PTPRD: variants seen among roughly 807,000 people sequenced by gnomAD.
PTPRD encodes the protein protein tyrosine phosphatase receptor type D.
In PTPRD, 34 loss-of-function variants were observed where a neutral mutation model predicts 214.5. The observed-to-expected ratio is 0.16, with a 90% CI of 0.12 to 0.21. The LOEUF is 0.21. Ranked by LOEUF, PTPRD falls within the 10% of genes least tolerant of loss-of-function variation. The pLI is 1.00. For missense variants in PTPRD, 2,545 were observed against 2,398.7 expected, an observed-to-expected ratio of 1.06 and a Z score of -1.27; for synonymous variants, 1,128 against 845.7, an observed-to-expected ratio of 1.33 and a Z score of -5.79.
chr9:8,966,913 AAAACAAAC>A (rs75275198), intron 11 of PTPRD, among the ~76,000 whole-genome samples: 7 of 151,454 alleles, frequency 4.6e-5, no homozygotes, highest in African/African-American at 1.2e-4. Flanking sequence ...TGAACAAGCA[AAAACAAAC>A]AAACAAACAA....
At chr9:8,836,138 C>T (rs1449290994) in intron 11 of PTPRD, among the ~76,000 whole-genome samples, 2 of 152,068 alleles carry the variant, frequency 1.3e-5, no homozygotes, top group South Asian at 4.1e-4. Context: ...GCTGTATGCT[C>T]TATTATACAA....
intron 12 of PTPRD, among the ~76,000 whole-genome samples, chr9:8,679,347 CT>C (rs2097503906): frequency 6.6e-6 from 1 of 152,154 alleles, no homozygotes; most frequent in African/African-American, 2.4e-5. Flanking sequence ...TCTAAAACTG[CT>C]TCAAAATTCC....
At chr9:8,832,915 C>T (rs2097328561) in intron 11 of PTPRD, among the ~76,000 whole-genome samples, 1 of 152,066 alleles carries the variant, frequency 6.6e-6, no homozygotes, top group South Asian at 2.1e-4. Context: ...CAACCTTTCA[C>T]TTCATGTTAG....
At chr9:10,284,743 T>C (rs1423732471) in intron 3 of PTPRD, among the ~76,000 whole-genome samples, 2 of 152,038 alleles carry the variant, frequency 1.3e-5, no homozygotes, top group African/African-American at 4.8e-5. Flanking sequence ...CTTGCAGTTG[T>C]ACAACTCATG....
intron 6 of PTPRD, among the ~76,000 whole-genome samples, chr9:9,755,833 A>T (rs1469683938): frequency 6.6e-6 from 1 of 152,056 alleles, no homozygotes; most frequent in African/African-American, 2.4e-5. Flanking sequence ...ATAAAATTAT[A>T]CCTGTAATTA....
chr9:8,872,791 C>G (rs1454301017), intron 11 of PTPRD, among the ~76,000 whole-genome samples: 1 of 152,150 alleles, frequency 6.6e-6, no homozygotes, highest in African/African-American at 2.4e-5. Flanking sequence ...GTACAGGAGG[C>G]GGCATTTGCC....
At chr9:9,401,935 C>G (rs112426315) in intron 8 of PTPRD, among the ~76,000 whole-genome samples, 1 of 152,024 alleles carries the variant, frequency 6.6e-6, no homozygotes, top group Admixed American at 6.6e-5. Context: ...CCAAGCCAAG[C>G]AGAACTGTGA....
chr9:8,467,750 TTTC>T (rs1471677361), intron 31 of PTPRD, among the ~76,000 whole-genome samples: 2 of 151,662 alleles, frequency 1.3e-5, no homozygotes, highest in African/African-American at 2.4e-5. Flanking sequence ...GAATGTATTA[TTTC>T]TTTTTTCTTG....
intron 8 of PTPRD, among the ~76,000 whole-genome samples, chr9:9,454,396 A>T (rs1166023181): frequency 6.6e-6 from 1 of 151,754 alleles, no homozygotes; most frequent in African/African-American, 2.4e-5. Context: ...ATATCACTGC[A>T]GTATTTTGTT....
intron 30 of PTPRD, among the ~76,000 whole-genome samples, chr9:8,479,731 TAAAAG>T (rs975906680): frequency 7.9e-5 from 12 of 152,136 alleles, no homozygotes; most frequent in African/African-American, 2.7e-4. Context: ...TTTATATAAA[TAAAAG>T]AAAGTATTGA....
intron 14 of PTPRD, among the ~76,000 whole-genome samples, chr9:8,571,495 T>C (rs961552817): frequency 6.6e-6 from 1 of 152,144 alleles, no homozygotes; most frequent in Non-Finnish European, 1.5e-5. Context: ...TGATAATATC[T>C]ATGCATAAAC....
intron 14 of PTPRD, among the ~76,000 whole-genome samples, chr9:8,567,805 G>A (rs776592233): frequency 3.3e-5 from 5 of 152,050 alleles, no homozygotes; most frequent in African/African-American, 4.8e-5. Context: ...AACATATGAT[G>A]ACCAAGCTAG....
chr9:9,965,456 T>TCGGGGA (rs1258206614), intron 4 of PTPRD, among the ~76,000 whole-genome samples: 22 of 152,252 alleles, frequency 1.4e-4, no homozygotes, highest in African/African-American at 4.3e-4. Flanking sequence ...AGAGCACTTG[T>TCGGGGA]CGGGGACAGG....
intron 2 of PTPRD, among the ~76,000 whole-genome samples, chr9:10,441,269 GGCCTTTCCT>G: frequency 6.6e-6 from 1 of 151,804 alleles, no homozygotes; most frequent in Non-Finnish European, 1.5e-5. Flanking sequence ...TACGGTGAAA[GGCCTTTCCT>G]GATTTGATCT....
At chr9:8,942,284 G>T (rs1001692959) in intron 11 of PTPRD, among the ~76,000 whole-genome samples, 1 of 152,086 alleles carries the variant, frequency 6.6e-6, no homozygotes, top group African/African-American at 2.4e-5. Flanking sequence ...GCAATTGTTA[G>T]GTTTAAATTC....
In PTPRD at chr9:9,963,624, A is replaced by C. The variant is rs542963757; in HGVS notation, c.-471-25014T>G. Among the ~76,000 whole-genome samples the C allele has an allele frequency of 3.1e-4, 47 of 152,276 alleles. No individual in the cohort carries two copies. In the South Asian group the frequency reaches 9.5e-3, roughly 31 times the overall value. ...GCATAAAATATGCAGTCAAACAACA[A>C]AATTTGGGTAGGTAGAGACAGTTGA... On this transcript the variant is annotated intron_variant, in intron 4 of 45. Coordinates refer to ENST00000381196, the MANE Select transcript of PTPRD (RefSeq NM_002839.4).
rs1489376625 is a variant in PTPRD, at chr9:9,696,802, A to G, written c.-287+37731T>C. On this transcript the variant is annotated intron_variant, in intron 7 of 45. Transcript: ENST00000381196. ...GGAATAATTTAGTCTATTTAAACAC[A>G]ATGTTATTATTGATAGGTAAAGATT... Among the ~76,000 whole-genome samples the G allele has an allele frequency of 2.0e-5, 3 of 152,066 alleles. No individual in the cohort carries two copies. The South Asian group carries it at 6.2e-4, about 31-fold the overall frequency.
intron 10 of PTPRD, among the ~76,000 whole-genome samples, chr9:9,080,789 G>A (rs545863130): frequency 2.0e-5 from 3 of 152,204 alleles, no homozygotes; most frequent in African/African-American, 7.2e-5. Flanking sequence ...TTGCATAGAG[G>A]TGTTTACAAT....
intron 7 of PTPRD, among the ~76,000 whole-genome samples, chr9:9,611,438 T>G (rs2094507162): frequency 6.6e-6 from 1 of 152,180 alleles, no homozygotes; most frequent in African/African-American, 2.4e-5. Flanking sequence ...ATTATTTAAT[T>G]ACTGATAGTG....
Sources: gnomAD v4.1 joint callset for allele counts (sites outside exome capture counted in the v4.1 genomes callset) on GRCh38, gnomAD v4.1.1 for gene constraint, MANE v1.5 for transcripts, NCBI Gene and HGNC (gene_info 2026-07-23, HGNC 2026-07-21) for gene names.